NFIB: variants seen among roughly 807,000 people sequenced by gnomAD.
NFIB encodes the protein nuclear factor 1 B-type.
NFIB carries 11 observed loss-of-function variants against 61.5 expected under a neutral mutation model. The ratio of observed to expected loss-of-function variants is 0.18; its 90% CI spans 0.11 to 0.30. NFIB has a LOEUF of 0.30. NFIB is among the 10% of genes least tolerant of loss of function. NFIB has a pLI of 1.00. For synonymous variants in NFIB, 260 were observed against 216.5 expected, an observed-to-expected ratio of 1.20 and a Z score of -1.76; for missense variants, 471 against 608.9, an observed-to-expected ratio of 0.77 and a Z score of 2.38.
chr9:14,104,767 G>T (rs530805506), intron 10 of NFIB, among the ~76,000 whole-genome samples: 95 of 151,548 alleles, frequency 6.3e-4, no homozygotes, highest in Non-Finnish European at 1.1e-3. Context: ...AAAAAAAATT[G>T]TAGCGATAAG....
the NFIB span, among the ~76,000 whole-genome samples, chr9:14,510,978 T>C: frequency 1.3e-5 from 2 of 152,204 alleles, no homozygotes; most frequent in African/African-American, 4.8e-5. Context: ...GCTGCTTCAG[T>C]TCCTTGTAAC....
chr9:14,316,734 C>G (rs1044951578), upstream of NFIB, among the ~76,000 whole-genome samples: 1 of 152,164 alleles, frequency 6.6e-6, no homozygotes, highest in African/African-American at 2.4e-5. Context: ...TTGTATTGCA[C>G]ATTACACTGC....
the NFIB span, among the ~76,000 whole-genome samples, chr9:14,454,038 C>T: frequency 2.6e-5 from 4 of 151,994 alleles, no homozygotes; most frequent in African/African-American, 9.7e-5. Flanking sequence ...CACTGCACTC[C>T]AGCCTGGTGA....
intron 10 of NFIB, among the ~76,000 whole-genome samples, chr9:14,111,288 A>G (rs942956226): frequency 2.0e-5 from 3 of 152,190 alleles, no homozygotes; most frequent in Non-Finnish European, 4.4e-5. Flanking sequence ...AATCATAATT[A>G]CATGAGGCTT....
At chr9:14,480,127 C>A in the NFIB span, among the ~76,000 whole-genome samples, 1 of 151,630 alleles carries the variant, frequency 6.6e-6, no homozygotes, top group Non-Finnish European at 1.5e-5. Flanking sequence ...TTTTATAAGT[C>A]AGGCCCTCTT....
At position 14,211,972 on chromosome 9, in the gene NFIB, G is replaced by C. The variant is rs796764454; in HGVS notation, c.563-32192C>G. 1.1e-4 allele frequency among the ~76,000 whole-genome samples: 16 copies of C among 152,300 alleles called. 1 individual carries two copies. Among genetic ancestry groups the C allele is most frequent in the African/African-American group, 3.6e-4 (15 of 41,566 alleles). Reference sequence around the variant, plus strand: ...CCACATCAAAATAATGTACCACTGGGTTTTATTGGTAGCTGCAATTTAGCC... The same window carrying C: ...CCACATCAAAATAATGTACCACTGGCTTTTATTGGTAGCTGCAATTTAGCC... On this transcript the variant is annotated intron_variant, in intron 2 of 10. Transcript: ENST00000380953.
intron 2 of NFIB, among the ~76,000 whole-genome samples, chr9:14,217,950 T>G (rs1469647993): frequency 1.3e-5 from 2 of 152,194 alleles, no homozygotes; most frequent in Non-Finnish European, 2.9e-5. Context: ...TGGGCAGTGG[T>G]AGAGCACAAA....
chr9:14,442,719 T>C, the NFIB span, among the ~76,000 whole-genome samples: 371 of 152,294 alleles, frequency 2.4e-3, 4 homozygotes, highest in Non-Finnish European at 9.3e-4. Flanking sequence ...ACTAGTTCTA[T>C]AAAACTTGAT....
rs1371589257 is a variant in NFIB at position 14,313,044 on chromosome 9, C to A, written c.30+438G>T. ...ACACAGACTCGTGCTACAGTCCCCT[C>A]GCCCAAGTTCACTGGCTGTTTTTAA... On this transcript the variant is annotated intron_variant, in intron 1 of 10. Coordinates refer to ENST00000380953, the MANE Select transcript of NFIB (RefSeq NM_001190737.2). The surrounding 1 kb of genome is among the most constrained non-coding windows in gnomAD (Gnocchi z 4.5). 1.3e-5 allele frequency among the ~76,000 whole-genome samples: 2 copies of A among 152,236 alleles called. No individual in the cohort carries two copies. Among genetic ancestry groups the A allele is most frequent in the Non-Finnish European group, 2.9e-5 (2 of 68,044 alleles).
At chr9:14,463,053 A>G in the NFIB span, among the ~76,000 whole-genome samples, 1 of 152,154 alleles carries the variant, frequency 6.6e-6, no homozygotes, top group Admixed American at 6.5e-5. Context: ...AATAAGTTCA[A>G]TTTAATAAAA....
intron 10 of NFIB, among the ~76,000 whole-genome samples, chr9:14,104,260 A>G (rs987612530): frequency 6.6e-6 from 1 of 152,214 alleles, no homozygotes; most frequent in Non-Finnish European, 1.5e-5. Flanking sequence ...AAGGAAAAAA[A>G]AGTACACTTT....
chr9:14,336,232 G>A (rs1339793325), intron 1 of NFIB, among the ~76,000 whole-genome samples: 1 of 152,220 alleles, frequency 6.6e-6, no homozygotes, highest in Non-Finnish European at 1.5e-5. Context: ...ACATGAAGCT[G>A]CAATTAGCAC....
At chr9:14,291,463 C>T (rs1052699051) in intron 2 of NFIB, among the ~76,000 whole-genome samples, 9 of 152,010 alleles carry the variant, frequency 5.9e-5, no homozygotes, top group South Asian at 2.1e-4. Flanking sequence ...CCAGTCTGGG[C>T]GACAGAGACT....
chr9:14,136,755 A>T (rs2041094792), intron 6 of NFIB, among the ~76,000 whole-genome samples: 1 of 152,172 alleles, frequency 6.6e-6, no homozygotes, highest in South Asian at 2.1e-4. Flanking sequence ...GCTTGAGAAC[A>T]ATTATGATTT....
In NFIB at chr9:14,120,808, AACT is replaced by A. The variant is rs1437588302; in HGVS notation, c.1061-187_1061-185del. On this transcript the variant is annotated intron_variant, in intron 7 of 10. Coordinates refer to ENST00000380953, the MANE Select transcript of NFIB (RefSeq NM_001190737.2). This position sits in a 1 kb window ranked among gnomAD's most constrained non-coding sequence, Gnocchi z 4.4. Reference sequence around the variant, plus strand: ...TTTTATTCTCAACACCAGTACGGCTAACTACACAGAGATAAAACATCACTCTAG... The same window carrying A: ...TTTTATTCTCAACACCAGTACGGCTAACACAGAGATAAAACATCACTCTAG... Among the ~76,000 whole-genome samples, 3 of 152,200 alleles carry A rather than the reference AACT, an allele frequency of 2.0e-5. No individual in the cohort carries two copies. Among genetic ancestry groups the A allele is most frequent in the Non-Finnish European group, 2.9e-5 (2 of 68,024 alleles).
intron 2 of NFIB, among the ~76,000 whole-genome samples, chr9:14,284,667 T>C (rs1444856254): frequency 6.6e-6 from 1 of 152,114 alleles, no homozygotes; most frequent in African/African-American, 2.4e-5. Flanking sequence ...GAGCCCAGAG[T>C]CCATTTACTC....
chr9:14,449,938 TA>T, the NFIB span, among the ~76,000 whole-genome samples: 4 of 151,854 alleles, frequency 2.6e-5, no homozygotes, highest in African/African-American at 9.7e-5. Context: ...CCATCTTGAT[TA>T]AAAATAAATA....
At chr9:14,412,136 C>T in the NFIB span, among the ~76,000 whole-genome samples, 5 of 152,142 alleles carry the variant, frequency 3.3e-5, no homozygotes, top group African/African-American at 1.2e-4. Context: ...CTGTATGAGA[C>T]AAGAGATATG....
At position 14,245,885 on chromosome 9, in the gene NFIB, T is replaced by C. The variant is rs575005462; in HGVS notation, c.562+61104A>G. On this transcript the variant is annotated intron_variant, in intron 2 of 10. Transcript: ENST00000380953. Reference sequence around the variant, plus strand: ...GAGACTCTGTCTCGAAAAATGATAATAATAATAAGTACACATAAATTATAA... The same window carrying C: ...GAGACTCTGTCTCGAAAAATGATAACAATAATAAGTACACATAAATTATAA... Among the ~76,000 whole-genome samples, 11 of 151,918 alleles carry C rather than the reference T, an allele frequency of 7.2e-5. No individual in the cohort carries two copies. The South Asian group carries it at 2.3e-3, about 32-fold the overall frequency.
Sources: gnomAD v4.1 joint callset for allele counts (sites outside exome capture counted in the v4.1 genomes callset) on GRCh38, gnomAD v4.1.1 for gene constraint, Gnocchi (gnomAD v3.1) non-coding constraint, MANE v1.5 for transcripts, NCBI Gene and HGNC (gene_info 2026-07-23, HGNC 2026-07-21) for gene names.